Variants in NPSR1 observed in about 807,000 individuals in gnomAD.
NPSR1 encodes the protein neuropeptide S receptor.
In NPSR1, 48 loss-of-function variants were observed where a neutral mutation model predicts 46.9. That is an observed-to-expected ratio of 1.02 (90% CI 0.81 to 1.30). NPSR1 has a LOEUF of 1.30. Among genes scored for constraint, NPSR1 ranks in the 50% most tolerant of loss-of-function variants. NPSR1 has a pLI of 0.00. For synonymous variants in NPSR1, 176 were observed against 168.1 expected (o/e 1.05, Z -0.36); for missense variants, 450 against 449.5 (o/e 1.00, Z -0.01).
intron 3 of NPSR1, 55 bp from the exon 4 acceptor site, chr7:34,811,715 T>C (rs1190252406): frequency 1.6e-6 from 2 of 1,234,148 alleles, no homozygotes; most frequent in Admixed American, 2.0e-5. Context: ...CTTTCCATTA[T>C]GTGCCTTCCC....
At position 34,827,454 on chromosome 7, in the gene NPSR1, T is replaced by C. The variant is rs1562759007; in HGVS notation, c.532T>C (p.Ser178Pro). 1 of 1,614,106 alleles carries C rather than the reference T, an allele frequency of 6.2e-7. No homozygotes were observed. Among genetic ancestry groups the C allele is most frequent in the Non-Finnish European group, 8.5e-7 (1 of 1,180,008 alleles). Residue 178 changes from serine (S) to proline (P), a missense_variant, in exon 5 of 9, where the codon TCC becomes CCC. Coordinates refer to ENST00000360581, the MANE Select transcript of NPSR1 (RefSeq NM_207172.2). Reference protein sequence around the residue: ...VIAWSLSFLFSIPTLIIFGKR... With the variant: ...VIAWSLSFLFPIPTLIIFGKR... ...CGCCTGGAGCCTGTCTTTTCTGTTC[T>C]CCATTCCCACCCTGATCATATTTGG...
chr7:34,739,693 C>T (rs750106808), intron 2 of NPSR1, among the ~76,000 whole-genome samples: 7 of 152,142 alleles, frequency 4.6e-5, no homozygotes, highest in African/African-American at 1.2e-4. Flanking sequence ...ATCTAGCCAC[C>T]GAGCAGGTCT....
At chr7:34,859,189 C>T (rs1250713005) in intron 8 of NPSR1, among the ~76,000 whole-genome samples, 1 of 151,712 alleles carries the variant, frequency 6.6e-6, no homozygotes, top group Non-Finnish European at 1.5e-5. Flanking sequence ...CCAGTGATAG[C>T]AGGAACATTG....
At chr7:34,863,020 G>A (rs1307783850) in intron 8 of NPSR1, among the ~76,000 whole-genome samples, 3 of 151,680 alleles carry the variant, frequency 2.0e-5, no homozygotes, top group Non-Finnish European at 4.4e-5. Flanking sequence ...CATGATACTG[G>A]TACCAAAACA....
At chr7:34,778,939 T>C (rs1303381154) in intron 3 of NPSR1, among the ~76,000 whole-genome samples, 2 of 152,202 alleles carry the variant, frequency 1.3e-5, no homozygotes, top group Admixed American at 1.3e-4. Flanking sequence ...TGCTCTTTTT[T>C]GTAAACCAAG....
intron 3 of NPSR1, among the ~76,000 whole-genome samples, chr7:34,784,512 C>A (rs1263107420): frequency 1.3e-5 from 2 of 152,044 alleles, no homozygotes; most frequent in African/African-American, 4.8e-5. Context: ...ATTGAACCAG[C>A]CTTGCATGCC....
intron 1 of NPSR1, among the ~76,000 whole-genome samples, chr7:34,667,882 T>C (rs1363505724): frequency 6.6e-6 from 1 of 152,098 alleles, no homozygotes; most frequent in Non-Finnish European, 1.5e-5. Context: ...TCAGAACTTC[T>C]TTCTTCAATA....
chr7:34,661,298 CG>C (rs2128668369), intron 1 of NPSR1, among the ~76,000 whole-genome samples: 1 of 152,166 alleles, frequency 6.6e-6, no homozygotes, highest in Non-Finnish European at 1.5e-5. Context: ...AGACCAAAGT[CG>C]GTTCTAGATT....
exon 9 of NPSR1, chr7:34,878,114 T>G (rs761645968): frequency 1.2e-6 from 2 of 1,611,140 alleles, no homozygotes; most frequent in South Asian, 2.2e-5. Flanking sequence ...GCTGCGCTAA[T>G]GCTCTGCCCT....
intron 2 of NPSR1, chr7:34,751,420 G>A: frequency 2.9e-6 from 3 of 1,044,430 alleles, no homozygotes; most frequent in Non-Finnish European, 4.6e-6. Context: ...TGGAACAAAG[G>A]CAGCCAGTGT....
chr7:34,715,610 G>A (rs546611507), intron 2 of NPSR1, among the ~76,000 whole-genome samples: 12 of 152,196 alleles, frequency 7.9e-5, no homozygotes, highest in Non-Finnish European at 1.5e-4. Flanking sequence ...CTATTAGATG[G>A]TTGTCCCTCT....
chr7:34,792,140 T>C (rs776843106), intron 3 of NPSR1, among the ~76,000 whole-genome samples: 35 of 152,048 alleles, frequency 2.3e-4, no homozygotes, highest in Non-Finnish European at 3.5e-4. Context: ...AAATGTTCCT[T>C]GACATTTCTC....
At position 34,772,478 on chromosome 7, in the gene NPSR1, C is replaced by T. The variant is rs1187007632; in HGVS notation, c.281-5984C>T. Among the ~76,000 whole-genome samples the T allele has an allele frequency of 2.6e-5, 4 of 152,162 alleles. No homozygotes were observed. The East Asian group carries it at 7.7e-4, about 29-fold the overall frequency. On this transcript the variant is annotated intron_variant, in intron 2 of 8. Coordinates refer to ENST00000360581, the MANE Select transcript of NPSR1 (RefSeq NM_207172.2). ...AGAATTGCACAGAAACCACAAATCT[C>T]TCATAAAGCCTAATGGTGTTTCTCA...
At position 34,875,604 on chromosome 7, in the gene NPSR1, C is replaced by G. The variant is rs185496073; in HGVS notation, c.1026-2472C>G. Among the ~76,000 whole-genome samples the G allele has an allele frequency of 3.9e-5, 6 of 152,274 alleles. No individual in the cohort carries two copies. The East Asian group carries it at 1.2e-3, about 30-fold the overall frequency. On this transcript the variant is annotated intron_variant, in intron 8 of 8. Coordinates refer to the NPSR1 transcript ENST00000359791. ...AATCAAGCGCTCCCTGAGAGGGTGT[C>G]GAGCCCCAGTGCCTCCTGGAGGCCT...
intron 2 of NPSR1, among the ~76,000 whole-genome samples, chr7:34,770,516 G>A (rs1406068431): frequency 6.6e-6 from 1 of 152,128 alleles, no homozygotes; most frequent in African/African-American, 2.4e-5. Context: ...ATTGTATGGT[G>A]AACTATACCA....
chr7:34,821,718 CTG>C (rs1327481951), intron 4 of NPSR1, among the ~76,000 whole-genome samples: 2 of 152,170 alleles, frequency 1.3e-5, no homozygotes, highest in East Asian at 1.9e-4. Context: ...CTGGGAGACA[CTG>C]TGTAATATCA....
At chr7:34,787,403 A>G (rs1301670213) in intron 3 of NPSR1, among the ~76,000 whole-genome samples, 1 of 152,162 alleles carries the variant, frequency 6.6e-6, no homozygotes, top group African/African-American at 2.4e-5. Context: ...TCATATATCC[A>G]GACCACTAAA....
At chr7:34,862,142 C>G (rs867410937) in intron 8 of NPSR1, among the ~76,000 whole-genome samples, 2 of 151,748 alleles carry the variant, frequency 1.3e-5, no homozygotes, top group Non-Finnish European at 1.5e-5. Context: ...AACCAAATTT[C>G]TCAGACTACC....
chr7:34,717,820 G>A (rs1335504769), intron 2 of NPSR1, among the ~76,000 whole-genome samples: 1 of 152,152 alleles, frequency 6.6e-6, no homozygotes, highest in Non-Finnish European at 1.5e-5. Flanking sequence ...ATCACCAAAG[G>A]CATTTTCATG....
Sources: allele counts gnomAD v4.1 joint callset (sites outside exome capture counted in the v4.1 genomes callset), GRCh38; gene constraint gnomAD v4.1.1; transcripts MANE v1.5; gene names NCBI Gene and HGNC (gene_info 2026-07-23, HGNC 2026-07-21).